Variants in WDR27 observed in about 807,000 individuals in gnomAD.
WDR27 encodes the protein WD repeat-containing protein 27.
WDR27 carries 100 observed loss-of-function variants against 114.4 expected under a neutral mutation model. The ratio of observed to expected loss-of-function variants is 0.87; its 90% confidence interval spans 0.74 to 1.03. WDR27 has a LOEUF of 1.03. Among genes scored for constraint, WDR27 ranks in the 50% least tolerant of loss-of-function variants. The pLI is 0.00. For synonymous variants in WDR27, 449 were observed against 423.1 expected, an observed-to-expected ratio of 1.06 and a Z score of -0.75; for missense variants, 1,129 against 1,092.9, an observed-to-expected ratio of 1.03 and a Z score of -0.47.
At chr6:169,665,291 G>A in intron 7 of WDR27, 195 bp downstream of exon 7, 1 of 1,355,700 alleles carries the variant, frequency 7.4e-7, no homozygotes. Context: ...CTCCTCCGCA[G>A]ACCAGGGGGC....
intron 1 of WDR27, among the ~76,000 whole-genome samples, chr6:169,694,104 T>C (rs550737217): frequency 2.6e-4 from 39 of 152,242 alleles, no homozygotes; most frequent in Non-Finnish European, 5.3e-4. Flanking sequence ...GGTCAGGAGT[T>C]TGAGACCATC....
chr6:169,430,483 GT>G, the WDR27 span, among the ~76,000 whole-genome samples: 1 of 152,220 alleles, frequency 6.6e-6, no homozygotes. Flanking sequence ...TTCTGTGGCT[GT>G]TTTGTCCCTC....
chr6:169,660,305 C>T (rs1380127008), intron 10 of WDR27, among the ~76,000 whole-genome samples: 9 of 152,104 alleles, frequency 5.9e-5, no homozygotes, highest in Non-Finnish European at 1.0e-4. Flanking sequence ...TTACGCTGTG[C>T]GAGCCTGGGG....
At chr6:169,693,349 GA>G (rs1784987239) in intron 1 of WDR27, among the ~76,000 whole-genome samples, 1 of 152,094 alleles carries the variant, frequency 6.6e-6, no homozygotes, top group Non-Finnish European at 1.5e-5. Context: ...TCTAAATCTT[GA>G]AACAAAACCT....
In WDR27 at chr6:169,479,920, G is replaced by A. The variant is rs182330829; in HGVS notation, c.2646-22286C>T. On this transcript the variant is annotated intron_variant, in intron 25 of 25. Coordinates refer to ENST00000448612, the MANE Select transcript of WDR27 (RefSeq NM_182552.5). ...TTGCTCTCGGCACCTCCTCGGCTTC[G>A]GCATCCACTCTGGCCACACTTGAGG... is the stretch of plus-strand genomic sequence containing the variant. Among the ~76,000 whole-genome samples, 926 of 152,236 alleles carry A rather than the reference G, an allele frequency of 6.1e-3. 10 individuals are homozygous for A. Among genetic ancestry groups the A allele is most frequent in the African/African-American group, 0.021 (861 of 41,544 alleles).
intron 25 of WDR27, among the ~76,000 whole-genome samples, chr6:169,501,076 T>TA (rs1192487184): frequency 6.6e-6 from 1 of 152,090 alleles, no homozygotes; most frequent in Non-Finnish European, 1.5e-5. Flanking sequence ...CTGAAGGCAG[T>TA]AGAGAGGGAG....
chr6:169,534,268 T>C (rs1050008658), intron 25 of WDR27, among the ~76,000 whole-genome samples: 1 of 152,088 alleles, frequency 6.6e-6, no homozygotes, highest in Non-Finnish European at 1.5e-5. Flanking sequence ...ATCCTTTTCA[T>C]AGATTGCTAG....
chr6:169,696,917 A>T (rs867358144), intron 1 of WDR27, among the ~76,000 whole-genome samples: 72 of 152,336 alleles, frequency 4.7e-4, no homozygotes, highest in Middle Eastern at 3.4e-3. Context: ...CTGTCTCAAA[A>T]ACAAACAAAA....
chr6:169,481,495 A>G (rs1416759248), intron 25 of WDR27, among the ~76,000 whole-genome samples: 2 of 152,190 alleles, frequency 1.3e-5, no homozygotes, highest in African/African-American at 4.8e-5. Context: ...ACTCTTCGCA[A>G]TAAATCTTGC....
intron 2 of WDR27, among the ~76,000 whole-genome samples, chr6:169,683,812 C>T (rs1011837625): frequency 4.5e-4 from 68 of 152,232 alleles, no homozygotes; most frequent in Non-Finnish European, 5.9e-5. Context: ...ACAGGAGAAT[C>T]CCACAGTCCC....
At chr6:169,488,790 C>T (rs1323769104) in intron 25 of WDR27, among the ~76,000 whole-genome samples, 3 of 152,132 alleles carry the variant, frequency 2.0e-5, no homozygotes, top group Non-Finnish European at 4.4e-5. Flanking sequence ...CTCCCAGTCA[C>T]GGAGCTCAAG....
intron 22 of WDR27, among the ~76,000 whole-genome samples, chr6:169,608,508 G>A (rs1364085244): frequency 6.6e-6 from 1 of 152,148 alleles, no homozygotes; most frequent in African/African-American, 2.4e-5. Context: ...ATGGCAACAA[G>A]CAAAGACAGA....
intron 22 of WDR27, among the ~76,000 whole-genome samples, chr6:169,607,100 A>C (rs1809357448): frequency 6.6e-6 from 1 of 152,232 alleles, no homozygotes; most frequent in Non-Finnish European, 1.5e-5. Flanking sequence ...GATACTGTCA[A>C]GGATGCAGGG....
intron 25 of WDR27, chr6:169,559,765 C>T (rs1464751992): frequency 2.0e-5 from 3 of 152,246 alleles, no homozygotes; most frequent in African/African-American, 7.2e-5. Flanking sequence ...GAACACACTC[C>T]TCTCTTCTGC....
rs565234151 is a variant in WDR27 at position 169,482,560 on chromosome 6, T to C, written c.2646-24926A>G. 2.1e-4 allele frequency among the ~76,000 whole-genome samples: 32 copies of C among 152,292 alleles called. 1 individual carries two copies. The South Asian group carries it at 6.4e-3, about 31-fold the overall frequency. ...AAGTTCTTAGAGACCTTCAAAGAGA[T>C]TTAGTCTTTTGTGCAATAACAGTGG... On this transcript the variant is annotated intron_variant, in intron 25 of 25. Transcript: ENST00000448612.
intron 23 of WDR27, among the ~76,000 whole-genome samples, chr6:169,585,526 G>A (rs908269712): frequency 1.3e-5 from 2 of 152,104 alleles, no homozygotes; most frequent in Non-Finnish European, 2.9e-5. Flanking sequence ...TGAAGCTTTT[G>A]ACTCTCCAAA....
At chr6:169,446,878 T>C in the WDR27 span, among the ~76,000 whole-genome samples, 3 of 152,182 alleles carry the variant, frequency 2.0e-5, no homozygotes, top group Non-Finnish European at 2.9e-5. Flanking sequence ...GCTTAAGTGA[T>C]TAAAAGCGGC....
chr6:169,476,127 C>T (rs1043342612), intron 25 of WDR27, among the ~76,000 whole-genome samples: 2 of 152,186 alleles, frequency 1.3e-5, no homozygotes, highest in Non-Finnish European at 2.9e-5. Context: ...AGTCTTGGAA[C>T]ATGTCCAGGG....
At chr6:169,681,490 C>A (rs960591339) in intron 2 of WDR27, among the ~76,000 whole-genome samples, 1 of 152,216 alleles carries the variant, frequency 6.6e-6, no homozygotes, top group Non-Finnish European at 1.5e-5. Flanking sequence ...TAAGCGTGCT[C>A]GTAGCTTCAA....
Sources: gnomAD v4.1 joint callset for allele counts (sites outside exome capture counted in the v4.1 genomes callset) on GRCh38, gnomAD v4.1.1 for gene constraint, MANE v1.5 for transcripts, NCBI Gene and HGNC (gene_info 2026-07-23, HGNC 2026-07-21) for gene names.